Variants in IQCM observed in about 807,000 individuals in gnomAD.
The protein encoded by IQCM is IQ motif containing M.
Under a neutral mutation model 57.6 loss-of-function variants are expected in IQCM, and 45 were observed. The ratio of observed to expected loss-of-function variants is 0.78; its 90% CI spans 0.62 to 1.00. IQCM has a LOEUF of 1.00. IQCM is among the 50% of genes least tolerant of loss of function. IQCM has a pLI of 0.00. For synonymous variants in IQCM, 148 were observed against 158.9 expected (o/e 0.93, Z 0.51); for missense variants, 468 against 511.6 (o/e 0.91, Z 0.82).
intron 12 of IQCM, among the ~76,000 whole-genome samples, chr4:149,449,320 TTA>T (rs1007821581): frequency 6.8e-6 from 1 of 146,396 alleles, no homozygotes; most frequent in Non-Finnish European, 1.5e-5. Context: ...AAAACCAGGT[TTA>T]TATATATATA....
intron 9 of IQCM, among the ~76,000 whole-genome samples, chr4:149,574,486 C>T (rs1282181376): frequency 2.0e-5 from 3 of 151,874 alleles, no homozygotes; most frequent in Non-Finnish European, 2.9e-5. Context: ...GACTGGCTGC[C>T]TTTTACTTTT....
intron 7 of IQCM, among the ~76,000 whole-genome samples, chr4:149,655,890 A>T (rs1422099168): frequency 1.3e-5 from 2 of 152,128 alleles, no homozygotes; most frequent in Non-Finnish European, 2.9e-5. Flanking sequence ...TTGCCTTTTG[A>T]TAAAACTGAA....
chr4:149,498,940 T>C (rs1742952417), intron 12 of IQCM, among the ~76,000 whole-genome samples: 1 of 152,132 alleles, frequency 6.6e-6, no homozygotes, highest in Admixed American at 6.6e-5. Context: ...TCTGAGAAAT[T>C]GTTAAGAGAC....
chr4:149,418,080 C>A (rs1183877764), intron 13 of IQCM, among the ~76,000 whole-genome samples: 1 of 150,840 alleles, frequency 6.6e-6, no homozygotes, highest in Non-Finnish European at 1.5e-5. Flanking sequence ...CCAAAGCTAG[C>A]AGAAGATAAG....
At chr4:149,402,177 G>T (rs891449130) in intron 13 of IQCM, among the ~76,000 whole-genome samples, 1 of 151,534 alleles carries the variant, frequency 6.6e-6, no homozygotes, top group Non-Finnish European at 1.5e-5. Context: ...AAGGTTCTTG[G>T]GTTCCTCTTT....
At chr4:149,689,356 C>T (rs1357144558) in intron 5 of IQCM, among the ~76,000 whole-genome samples, 2 of 151,842 alleles carry the variant, frequency 1.3e-5, no homozygotes, top group African/African-American at 2.4e-5. Flanking sequence ...GGGAGTTGAA[C>T]AATAAGAACA....
chr4:149,358,115 A>G lies in IQCM; in HGVS notation c.1391-6049T>C, dbSNP rs557262714. 3.8e-3 allele frequency among the ~76,000 whole-genome samples: 584 copies of G among 151,890 alleles called. 3 individuals carry two copies. The highest frequency in any genetic ancestry group is 0.013 in the African/African-American group (547 of 41,386). On this transcript the variant is annotated intron_variant, in intron 13 of 13. Transcript: ENST00000636793. The stretch of plus-strand genomic sequence containing the variant: ...TATCCCCTTTATCATTTTTTATTGC[A>G]TCTATTTGATTCTTCTCTGTTTTCT...
chr4:149,499,123 C>G (rs780533592), intron 12 of IQCM, among the ~76,000 whole-genome samples: 1 of 152,004 alleles, frequency 6.6e-6, no homozygotes, highest in Non-Finnish European at 1.5e-5. Context: ...TAAAATAAAG[C>G]AGAGAAAGCA....
chr4:149,618,454 C>G (rs1755991703), intron 8 of IQCM, among the ~76,000 whole-genome samples: 1 of 151,982 alleles, frequency 6.6e-6, no homozygotes, highest in Non-Finnish European at 1.5e-5. Flanking sequence ...AAAGAATTTA[C>G]AGATAAGCCC....
At chr4:149,445,727 A>T (rs1333659195) in intron 12 of IQCM, among the ~76,000 whole-genome samples, 1 of 151,770 alleles carries the variant, frequency 6.6e-6, no homozygotes, top group Non-Finnish European at 1.5e-5. Flanking sequence ...TGTTTCTCTG[A>T]TGATTTACCC....
At chr4:149,555,222 C>T (rs1329780798) in intron 10 of IQCM, among the ~76,000 whole-genome samples, 1 of 152,008 alleles carries the variant, frequency 6.6e-6, no homozygotes, top group Admixed American at 6.6e-5. Flanking sequence ...GTTCAATAGG[C>T]TTTTGTCTTT....
intron 8 of IQCM, among the ~76,000 whole-genome samples, chr4:149,611,793 T>C (rs1006203735): frequency 6.6e-6 from 1 of 151,960 alleles, no homozygotes; most frequent in African/African-American, 2.4e-5. Flanking sequence ...GCAACTATGG[T>C]TAACTATGAT....
Position 149,733,380 on chromosome 4 carries a change from T to C in IQCM, c.249A>G (p.Ala83=). ...CCTTGGGAAAGCAAATCCTTCTGAG[T>C]GCGGCCCGATGTTCTTGCACCACAT... ...TRDVVQEHRA[A]LRRICFPKEL... The change falls in exon 5 of 14, where the codon GCA becomes GCG. Residue 83 remains alanine, a synonymous_variant. Coordinates refer to ENST00000636793, the MANE Select transcript of IQCM (RefSeq NM_001363507.2). 1 of 1,231,852 alleles carries C rather than the reference T, an allele frequency of 8.1e-7. No homozygotes were observed. The highest frequency in any genetic ancestry group is 1.0e-6 in the Non-Finnish European group (1 of 987,776). 76.3% of individuals were successfully genotyped at this position (1,231,852 alleles called of 1,614,324 possible).
At chr4:149,372,559 T>A (rs370967137) in intron 13 of IQCM, among the ~76,000 whole-genome samples, 4 of 152,172 alleles carry the variant, frequency 2.6e-5, no homozygotes, top group African/African-American at 2.4e-5. Flanking sequence ...CAAGTTAAGG[T>A]CACATAGACA....
At chr4:149,570,251 T>A (rs1219844315) in intron 9 of IQCM, among the ~76,000 whole-genome samples, 1 of 152,104 alleles carries the variant, frequency 6.6e-6, no homozygotes, top group East Asian at 1.9e-4. Flanking sequence ...TCTATCATAA[T>A]GTAATTGAAA....
At chr4:149,530,740 G>A (rs1037022937) in intron 12 of IQCM, among the ~76,000 whole-genome samples, 12 of 151,248 alleles carry the variant, frequency 7.9e-5, no homozygotes, top group Non-Finnish European at 5.9e-5. Flanking sequence ...ATCCAATGAA[G>A]ATATATCTAG....
intron 13 of IQCM, among the ~76,000 whole-genome samples, chr4:149,402,766 T>C (rs894491014): frequency 3.3e-5 from 5 of 151,918 alleles, no homozygotes; most frequent in African/African-American, 1.2e-4. Context: ...CGTATAACTA[T>C]TTAAAATAAA....
At chr4:149,583,665 G>A (rs904126738) in intron 9 of IQCM, among the ~76,000 whole-genome samples, 3 of 151,478 alleles carry the variant, frequency 2.0e-5, no homozygotes, top group African/African-American at 7.3e-5. Flanking sequence ...ATGGTTAGAG[G>A]TACTAAACAA....
At chr4:149,723,002 TC>T (rs1197039492) in intron 5 of IQCM, among the ~76,000 whole-genome samples, 6 of 152,024 alleles carry the variant, frequency 3.9e-5, no homozygotes, top group Non-Finnish European at 7.4e-5. Flanking sequence ...TAGAGATCTT[TC>T]ACCTCCTTGG....
Sources: allele counts gnomAD v4.1 joint callset (sites outside exome capture counted in the v4.1 genomes callset), GRCh38; gene constraint gnomAD v4.1.1; transcripts MANE v1.5; gene names NCBI Gene and HGNC (gene_info 2026-07-23, HGNC 2026-07-21).